Variants in BTBD19 observed in about 807,000 individuals in gnomAD.
BTBD19 encodes the protein BTB domain containing 19.
A neutral mutation model predicts 36.1 loss-of-function variants in BTBD19; 20 were observed. The ratio of observed to expected loss-of-function variants is 0.55; its 90% CI spans 0.39 to 0.80. BTBD19 has a LOEUF of 0.80. Ranked by LOEUF, BTBD19 falls within the 30% of genes least tolerant of loss-of-function variation. The pLI is 0.00. For synonymous variants in BTBD19, 157 were observed against 174.3 expected (o/e 0.90, Z 0.78); for missense variants, 325 against 389.8 (o/e 0.83, Z 1.40).
rs1429401668 is a variant in BTBD19 at position 44,813,391 on chromosome 1, G to A, written c.633G>A (p.Pro211=). 1.3e-6 allele frequency: 2 copies of A among 1,538,154 alleles called. No homozygotes were observed. The highest frequency in any genetic ancestry group is 1.7e-6 in the Non-Finnish European group (2 of 1,146,248). ...GTTTGCAGGCGGTGCTGGAGCGGCCGGTGGCTGAGGTGGCGGCCCCGGTGG... is the reference window on the plus strand; with the variant it reads ...GTTTGCAGGCGGTGCTGGAGCGGCCAGTGGCTGAGGTGGCGGCCCCGGTGG... The change falls in exon 7 of 8, where the codon CCG becomes CCA. Residue 211 remains proline, a synonymous_variant. Coordinates refer to ENST00000450269, the Ensembl canonical transcript of BTBD19. The surrounding 1 kb of genome is among the most constrained non-coding windows in gnomAD (Gnocchi z 7.8).
Position 44,810,176 on chromosome 1 carries a change from GCCT to G in BTBD19, c.87-31_87-29del. On this transcript the variant is annotated intron_variant, in intron 1 of 7. Coordinates refer to ENST00000450269, the Ensembl canonical transcript of BTBD19. The surrounding 1 kb of genome is among the most constrained non-coding windows in gnomAD (Gnocchi z 4.2). ...AGCCCAAGTTGCACTCCGGGTGCTG[GCCT>G]CCTCCCCGCTGCCTCTCTGCCTGTC... 6.6e-7 allele frequency: 1 copy of G among 1,517,600 alleles called. No individual in the cohort carries two copies. The highest frequency in any genetic ancestry group is 1.4e-5 in the African/African-American group (1 of 72,392). 94.0% of individuals were successfully genotyped at this position (1,517,600 alleles called of 1,614,324 possible). A position where few individuals can be genotyped will look rare whatever the true frequency, so the allele number is the denominator to read the frequency against.
chr1:44,814,102 A>T, exon 8 of BTBD19: 1 of 469,252 alleles, frequency 2.1e-6, no homozygotes, highest in Non-Finnish European at 3.8e-6. Context: ...TGACTCCCAC[A>T]TATCTATCTG....
At chr1:44,811,036 A>G (rs569628251) in intron 3 of BTBD19, among the ~76,000 whole-genome samples, 1 of 152,262 alleles carries the variant, frequency 6.6e-6, no homozygotes, top group South Asian at 2.1e-4. Context: ...CCTGGGCAAC[A>G]TGGTGACACC....
In BTBD19 at chr1:44,810,179, T is replaced by G. The variant is rs748084474; in HGVS notation, c.87-34T>G. 17 of 1,526,580 alleles carry G rather than the reference T, an allele frequency of 1.1e-5. No homozygotes were observed. The highest frequency in any genetic ancestry group is 1.2e-5 in the Non-Finnish European group (14 of 1,125,842). 94.6% of individuals were successfully genotyped at this position (1,526,580 alleles called of 1,614,324 possible). A position where few individuals can be genotyped will look rare whatever the true frequency, so the allele number is the denominator to read the frequency against. ...CCAAGTTGCACTCCGGGTGCTGGCC[T>G]CCTCCCCGCTGCCTCTCTGCCTGTC... On this transcript the variant is annotated intron_variant, in intron 1 of 7. Transcript: ENST00000450269. This position sits in a 1 kb window ranked among gnomAD's most constrained non-coding sequence, Gnocchi z 4.2.
At position 44,813,239 on chromosome 1, in the gene BTBD19, C is replaced by A; in HGVS notation, c.585C>A (p.Arg195=). ...GCGTGGACGAGGCTGAACTGGTCCG[C>A]GCGGCCCGAAGCTGGGCGCGCGTGG... is the stretch of plus-strand genomic sequence containing the variant. Residue 195 remains arginine, a synonymous_variant, in exon 6 of 8, where the codon CGC becomes CGA. Coordinates refer to ENST00000450269, the Ensembl canonical transcript of BTBD19. This position sits in a 1 kb window ranked among gnomAD's most constrained non-coding sequence, Gnocchi z 7.8. 6.5e-7 allele frequency: 1 copy of A among 1,539,576 alleles called. No homozygotes were observed. The highest frequency in any genetic ancestry group is 1.7e-4 in the Middle Eastern group (1 of 5,974).
chr1:44,809,368 C>T (rs571120989), intron 1 of BTBD19, among the ~76,000 whole-genome samples: 7 of 152,274 alleles, frequency 4.6e-5, no homozygotes, highest in East Asian at 3.9e-4. Flanking sequence ...CAGGAAGCCT[C>T]GGGGGTGCTG....
rs1044011703 is a variant in BTBD19, at chr1:44,810,941, C to T, written c.354+334C>T. On this transcript the variant is annotated intron_variant, in intron 3 of 7. Transcript: ENST00000450269. The surrounding 1 kb of genome is among the most constrained non-coding windows in gnomAD (Gnocchi z 4.2). ...GTGGCATAAGAAGTGTGATAGAGGC[C>T]GGGCGCAGTGGCTCACGCCTGTAAT... Among the ~76,000 whole-genome samples the T allele has an allele frequency of 5.9e-5, 9 of 152,058 alleles. No individual in the cohort carries two copies. The highest frequency in any genetic ancestry group is 1.9e-4 in the East Asian group (1 of 5,196).
chr1:44,811,669 A>G, intron 3 of BTBD19: 1 of 277,744 alleles, frequency 3.6e-6, no homozygotes, highest in Non-Finnish European at 7.4e-6. Flanking sequence ...CAGTCAAGAG[A>G]TGAGAGATGT....
chr1:44,810,803 T>A lies in BTBD19; in HGVS notation c.354+196T>A, dbSNP rs1652375917. On this transcript the variant is annotated intron_variant, in intron 3 of 7. Transcript: ENST00000450269. The surrounding 1 kb of genome is among the most constrained non-coding windows in gnomAD (Gnocchi z 4.2). ...GATCCATGCATGCCTGCCCTGTGTG[T>A]GCTGTGGGAAGAGGGGGTGATTATG... The A allele has an allele frequency of 7.3e-6, 3 of 410,468 alleles. No homozygotes were observed. Among genetic ancestry groups the A allele is most frequent in the Non-Finnish European group, 1.4e-5 (3 of 215,846 alleles). 25.4% of individuals were successfully genotyped at this position (410,468 alleles called of 1,614,324 possible).
chr1:44,814,176 TTC>T (rs1491101431), downstream of BTBD19: 2 of 141,946 alleles, frequency 1.4e-5, no homozygotes, highest in Non-Finnish European at 1.4e-5. Context: ...CTTTCTTTCT[TTC>T]TTTCTTTCTT....
At chr1:44,811,805 T>C in intron 3 of BTBD19, 2 of 323,364 alleles carry the variant, frequency 6.2e-6, no homozygotes, top group South Asian at 4.8e-5. Context: ...TGGTTTTGAT[T>C]AGTGGCGAAT....
chr1:44,809,038 G>A, intron 1 of BTBD19, 132 bp downstream of exon 1: 1 of 713,218 alleles, frequency 1.4e-6, no homozygotes, highest in Non-Finnish European at 2.2e-6. Context: ...AGGCTATGGG[G>A]AGGTCAAATG....
Position 44,810,733 on chromosome 1 carries a change from C to A in BTBD19, c.354+126C>A, listed in dbSNP as rs1652372050. On this transcript the variant is annotated intron_variant, in intron 3 of 7. Transcript: ENST00000450269. The surrounding 1 kb of genome is among the most constrained non-coding windows in gnomAD (Gnocchi z 4.2). ...CCCACACAGAGAGAAGTATGTATAT[C>A]TCTCCCAAGTAAGTAGGGCATGTAT... 2 of 905,394 alleles carry A rather than the reference C, an allele frequency of 2.2e-6. No homozygotes were observed. The highest frequency in any genetic ancestry group is 3.2e-6 in the Non-Finnish European group (2 of 632,536). 56.1% of individuals were successfully genotyped at this position (905,394 alleles called of 1,614,324 possible). A position where few individuals can be genotyped will look rare whatever the true frequency, so the allele number is the denominator to read the frequency against.
In BTBD19 at chr1:44,810,528, C is replaced by T. The variant is rs1652357025; in HGVS notation, c.301-26C>T. 1.3e-6 allele frequency: 2 copies of T among 1,550,668 alleles called. No homozygotes were observed. Among genetic ancestry groups the T allele is most frequent in the East Asian group, 2.4e-5 (1 of 40,910 alleles). ...GCACAGGGCAGGGGAAACTCCCTTC[C>T]ACTCCCCCAACCACCCACTCTACAG... On this transcript the variant is annotated intron_variant, in intron 2 of 7. Coordinates refer to ENST00000450269, the Ensembl canonical transcript of BTBD19. The surrounding 1 kb of genome is among the most constrained non-coding windows in gnomAD (Gnocchi z 4.2).
chr1:44,811,908 G>C, intron 3 of BTBD19, 131 bp from the exon 4 acceptor site: 1 of 638,466 alleles, frequency 1.6e-6, no homozygotes, highest in Non-Finnish European at 2.6e-6. Context: ...TGCCTCCCCT[G>C]GCCTGGGTCA....
At chr1:44,814,210 C>CTTTCTTTT (rs1194652650), downstream of BTBD19, 1 of 100,014 alleles carries the variant, frequency 1.0e-5, no homozygotes, top group Non-Finnish European at 1.9e-5. Flanking sequence ...TTCTTTCTTT[C>CTTTCTTTT]TTTTTCTTTC....
chr1:44,813,236 C>A lies in BTBD19; in HGVS notation c.582C>A (p.Val194=). The A allele has an allele frequency of 1.3e-6, 2 of 1,539,522 alleles. No homozygotes were observed. Among genetic ancestry groups the A allele is most frequent in the Non-Finnish European group, 1.7e-6 (2 of 1,143,790 alleles). ...TCTGCGTGGACGAGGCTGAACTGGT[C>A]CGCGCGGCCCGAAGCTGGGCGCGCG... Residue 194 remains valine (V), a synonymous_variant, in exon 6 of 8, where the codon GTC becomes GTA. Transcript: ENST00000450269. The surrounding 1 kb of genome is among the most constrained non-coding windows in gnomAD (Gnocchi z 7.8).
At chr1:44,808,676 C>T (rs914687611) in exon 1 of BTBD19, 23 of 580,646 alleles carry the variant, frequency 4.0e-5, no homozygotes, top group Non-Finnish European at 6.1e-6. Flanking sequence ...TTGGGCCTCT[C>T]CTGCTCCACT....
Position 44,810,747 on chromosome 1 carries a change from T to A in BTBD19, c.354+140T>A. The A allele has an allele frequency of 1.3e-6, 1 of 756,954 alleles. No homozygotes were observed. Among genetic ancestry groups the A allele is most frequent in the Non-Finnish European group, 2.0e-6 (1 of 506,590 alleles). 46.9% of individuals were successfully genotyped at this position (756,954 alleles called of 1,614,324 possible). ...AGTATGTATATCTCTCCCAAGTAAG[T>A]AGGGCATGTATGTGTGCCTGTGTGC... On this transcript the variant is annotated intron_variant, in intron 3 of 7. Coordinates refer to ENST00000450269, the Ensembl canonical transcript of BTBD19. The surrounding 1 kb of genome is among the most constrained non-coding windows in gnomAD (Gnocchi z 4.2).
Sources: gnomAD v4.1 joint callset for allele counts (sites outside exome capture counted in the v4.1 genomes callset) on GRCh38, gnomAD v4.1.1 for gene constraint, Gnocchi (gnomAD v3.1) non-coding constraint, MANE v1.5 for transcripts, NCBI Gene and HGNC (gene_info 2026-07-23, HGNC 2026-07-21) for gene names.